The following ZNF680 variants were observed in gnomAD, a reference collection of about 807,000 sequenced individuals.
ZNF680 encodes the protein zinc finger protein 680, also known as hypothetical protein FLJ90430.
ZNF680 carries 6 observed loss-of-function variants against 12.1 expected under a neutral mutation model. The ratio of observed to expected loss-of-function variants is 0.49; its 90% CI spans 0.27 to 0.98. The LOEUF (loss-of-function observed/expected upper bound fraction) is 0.98. Ranked by LOEUF, ZNF680 falls within the 50% of genes least tolerant of loss-of-function variation. The pLI is 0.12. For missense variants in ZNF680, 561 were observed against 616.3 expected (o/e 0.91, Z 0.95); for synonymous variants, 170 against 199.3 (o/e 0.85, Z 1.24).
chr7:64,544,463 C>T, intron 1 of ZNF680, 31 bp from the exon 2 acceptor site: 1 of 1,588,874 alleles, frequency 6.3e-7, no homozygotes, highest in South Asian at 1.1e-5. Context: ...CACACACACA[C>T]ACACACACTT....
chr7:64,527,621 G>A (rs62461513), intron 3 of ZNF680, among the ~76,000 whole-genome samples: 7,588 of 152,032 alleles, frequency 0.05, 282 homozygotes, highest in East Asian at 0.17. Flanking sequence ...CTTGAACCCG[G>A]GAGGCAGAGG....
intron 1 of ZNF680, among the ~76,000 whole-genome samples, chr7:64,562,596 C>T (rs1167564018): frequency 6.6e-6 from 1 of 152,206 alleles, no homozygotes; most frequent in East Asian, 1.9e-4. Context: ...GGGACTGGGA[C>T]CCCATGGACC....
At chr7:64,524,158 T>C (rs1562738444) in intron 3 of ZNF680, among the ~76,000 whole-genome samples, 1 of 151,350 alleles carries the variant, frequency 6.6e-6, no homozygotes. Flanking sequence ...TTTTTTTTTT[T>C]TTTTTTGAGA....
downstream of ZNF680, among the ~76,000 whole-genome samples, chr7:64,516,657 C>T (rs1584339233): frequency 2.0e-5 from 3 of 152,150 alleles, no homozygotes; most frequent in East Asian, 5.8e-4. Flanking sequence ...CCAAAAACCA[C>T]AAACTATGCA....
intron 3 of ZNF680, among the ~76,000 whole-genome samples, chr7:64,536,354 C>T (rs927954989): frequency 2.0e-5 from 3 of 152,174 alleles, no homozygotes; most frequent in Admixed American, 6.5e-5. Flanking sequence ...TGTGTGCCAG[C>T]ATCTGCTTCT....
chr7:64,526,112 G>A (rs1791829283), intron 3 of ZNF680: 1 of 922,996 alleles, frequency 1.1e-6, no homozygotes, highest in Non-Finnish European at 1.3e-6. Context: ...AATTCCAAAA[G>A]AAAATTAAAA....
intron 3 of ZNF680, chr7:64,526,423 AT>A: frequency 6.7e-7 from 1 of 1,494,488 alleles, no homozygotes; most frequent in Non-Finnish European, 8.9e-7. Flanking sequence ...GGCAAAGTGG[AT>A]TATTTCTGTA....
intron 1 of ZNF680, among the ~76,000 whole-genome samples, chr7:64,547,565 G>A (rs1329595967): frequency 6.6e-6 from 1 of 152,160 alleles, no homozygotes; most frequent in African/African-American, 2.4e-5. Context: ...TTGGTATGAG[G>A]TGTTCAATAA....
intron 1 of ZNF680, among the ~76,000 whole-genome samples, chr7:64,552,257 T>G (rs1230289575): frequency 1.3e-5 from 2 of 152,218 alleles, no homozygotes; most frequent in African/African-American, 4.8e-5. Context: ...TTCACTGTGT[T>G]GGCCATTCTG....
At chr7:64,517,106 T>A (rs4718084), downstream of ZNF680, among the ~76,000 whole-genome samples, 115,730 of 151,824 alleles carry the variant, frequency 0.76, 45,001 homozygotes, top group African/African-American at 0.93. Context: ...GGAAACAACC[T>A]AGCTCAGTGC....
At chr7:64,501,542 AG>A in the ZNF680 span, 33 of 761,886 alleles carry the variant, frequency 4.3e-5, no homozygotes, top group Non-Finnish European at 6.2e-5. Flanking sequence ...GCAGGAGCTC[AG>A]TGAAGAAAAA....
At chr7:64,550,655 T>C (rs550851332) in intron 1 of ZNF680, among the ~76,000 whole-genome samples, 8 of 152,292 alleles carry the variant, frequency 5.3e-5, no homozygotes, top group East Asian at 1.9e-4. Context: ...ACAAGAATCA[T>C]TGCAAGAGGT....
At chr7:64,514,256 A>G in the ZNF680 span, among the ~76,000 whole-genome samples, 1 of 152,208 alleles carries the variant, frequency 6.6e-6, no homozygotes, top group Non-Finnish European at 1.5e-5. Flanking sequence ...TCTTCAGGTT[A>G]TATTTTAGTA....
chr7:64,511,129 G>T, the ZNF680 span, among the ~76,000 whole-genome samples: 1 of 151,606 alleles, frequency 6.6e-6, no homozygotes, highest in African/African-American at 2.4e-5. Flanking sequence ...AATTACCTAG[G>T]CACTGTGGCA....
chr7:64,527,027 C>T lies in ZNF680; in HGVS notation c.254-4527G>A, dbSNP rs555991470. 2.1e-3 allele frequency among the ~76,000 whole-genome samples: 322 copies of T among 152,280 alleles called. 3 individuals carry two copies. The highest frequency in any genetic ancestry group is 7.4e-3 in the African/African-American group (307 of 41,576). On this transcript the variant is annotated intron_variant, in intron 3 of 3. Coordinates refer to ENST00000309683, the MANE Select transcript of ZNF680 (RefSeq NM_178558.5). Reference sequence around the variant, plus strand: ...CCGAGGTGGGCCGATCACCTGAGGTCGGGAGTTCGAGGCCATCCTGGCCAA... The same window carrying T: ...CCGAGGTGGGCCGATCACCTGAGGTTGGGAGTTCGAGGCCATCCTGGCCAA...
chr7:64,528,849 C>T (rs935796411), intron 3 of ZNF680, among the ~76,000 whole-genome samples: 1 of 152,128 alleles, frequency 6.6e-6, no homozygotes, highest in African/African-American at 2.4e-5. Flanking sequence ...GCACCACTTC[C>T]CAGAAGGAGG....
chr7:64,521,122 T>C lies in ZNF680; in HGVS notation c.*39A>G. On this transcript the variant is annotated 3_prime_UTR_variant, in exon 4 of 4. Coordinates refer to ENST00000309683, the MANE Select transcript of ZNF680 (RefSeq NM_178558.5). ...TGTCAAATTCTTCACATTTTTAGGGTTTCTCAACAGGATGGTGTCTTTTAT... is the reference window on the plus strand; with the variant it reads ...TGTCAAATTCTTCACATTTTTAGGGCTTCTCAACAGGATGGTGTCTTTTAT... The C allele has an allele frequency of 6.5e-7, 1 of 1,542,050 alleles. No homozygotes were observed. The highest frequency in any genetic ancestry group is 8.7e-7 in the Non-Finnish European group (1 of 1,146,034).
At chr7:64,508,140 T>TATATATATAC in the ZNF680 span, among the ~76,000 whole-genome samples, 3 of 134,826 alleles carry the variant, frequency 2.2e-5, no homozygotes, top group African/African-American at 8.8e-5. Flanking sequence ...TATATATATA[T>TATATATATAC]ATACATAATT....
In ZNF680 at chr7:64,521,031, T is replaced by A. The variant is rs1791498887; in HGVS notation, c.*130A>T. ...TTAAGTTTTGTCACATTCTTTACAC[T>A]TATAAAGTTTTCTCCAATATAAATT... On this transcript the variant is annotated 3_prime_UTR_variant, in exon 4 of 4. Coordinates refer to ENST00000309683, the MANE Select transcript of ZNF680 (RefSeq NM_178558.5). 1 of 1,043,114 alleles carries A rather than the reference T, an allele frequency of 9.6e-7. No individual in the cohort carries two copies. Among genetic ancestry groups the A allele is most frequent in the Non-Finnish European group, 1.4e-6 (1 of 728,880 alleles). The allele number at this position is 1,043,114 out of a possible 1,614,324, so 64.6% of individuals were successfully genotyped here.
Sources: gnomAD v4.1 joint callset for allele counts (sites outside exome capture counted in the v4.1 genomes callset) on GRCh38, gnomAD v4.1.1 for gene constraint, MANE v1.5 for transcripts, NCBI Gene and HGNC (gene_info 2026-07-23, HGNC 2026-07-21) for gene names.